The following PHACTR3 variants were observed in gnomAD, a reference collection of about 807,000 sequenced individuals.
PHACTR3 encodes protein phosphatase 1, regulatory subunit 123.
A neutral mutation model predicts 66.8 loss-of-function variants in PHACTR3; 16 were observed. That is an observed-to-expected ratio of 0.24 (90% CI 0.16 to 0.36). The LOEUF (loss-of-function observed/expected upper bound fraction) is 0.36. Ranked by LOEUF, PHACTR3 falls within the 10% of genes least tolerant of loss-of-function variation. PHACTR3 has a pLI of 1.00. For synonymous variants in PHACTR3, 323 were observed against 292.1 expected (o/e 1.11, Z -1.08); for missense variants, 647 against 719.9 (o/e 0.90, Z 1.16).
Position 59,836,446 on chromosome 20 carries a change from A to G in PHACTR3, c.1329-59A>G, listed in dbSNP as rs576293768. ...GCCACCTCTCATCCTTGCAGACCCC[A>G]GGTGGAATTTGCAGGCAGCCACTAT... On this transcript the variant is annotated intron_variant, in intron 8 of 12. Transcript: ENST00000371015. 4.5e-6 allele frequency: 7 copies of G among 1,548,300 alleles called. No individual in the cohort carries two copies. In the Admixed American group the frequency reaches 5.6e-5, roughly 12 times the overall value.
intron 1 of PHACTR3, among the ~76,000 whole-genome samples, chr20:59,722,054 C>G (rs1340798811): frequency 6.6e-6 from 1 of 152,028 alleles, no homozygotes; most frequent in Non-Finnish European, 1.5e-5. Context: ...CACAGTGAAA[C>G]CCCATATCTA....
At chr20:59,586,612 C>G (rs922530420) in intron 1 of PHACTR3, among the ~76,000 whole-genome samples, 3 of 152,014 alleles carry the variant, frequency 2.0e-5, no homozygotes, top group Non-Finnish European at 1.5e-5. Flanking sequence ...TGATTTCTGA[C>G]CTAGAGTATT....
Position 59,782,939 on chromosome 20 carries a change from A to G in PHACTR3, c.1174+8449A>G, listed in dbSNP as rs59181473. ...TCAGGCAGTTCCTGGTACTGTCTAA[A>G]TGTAAAGAAAGCCTTCTTTGCAGGC... On this transcript the variant is annotated intron_variant, in intron 7 of 12. Coordinates refer to ENST00000371015, the MANE Select transcript of PHACTR3 (RefSeq NM_080672.5). 2.4e-3 allele frequency among the ~76,000 whole-genome samples: 359 copies of G among 152,326 alleles called. 1 individual carries two copies. The highest frequency in any genetic ancestry group is 8.4e-3 in the African/African-American group (350 of 41,568).
intron 3 of PHACTR3, among the ~76,000 whole-genome samples, chr20:59,754,200 A>G (rs931024050): frequency 6.6e-6 from 1 of 152,152 alleles, no homozygotes; most frequent in African/African-American, 2.4e-5. Context: ...TTTGCTCTCC[A>G]AGTGCTGAGC....
In PHACTR3 at chr20:59,829,793, C is replaced by G. The variant is rs1184428415; in HGVS notation, c.1329-6712C>G. 6.6e-6 allele frequency among the ~76,000 whole-genome samples: 1 copy of G among 152,240 alleles called. No homozygotes were observed. Among genetic ancestry groups the G allele is most frequent in the African/African-American group, 2.4e-5 (1 of 41,462 alleles). Reference sequence around the variant, plus strand: ...GCCTTGTATGGAAGGAATTGCTTCTCAATTTCTGCTCCACACTGAGGTGAC... The same window carrying G: ...GCCTTGTATGGAAGGAATTGCTTCTGAATTTCTGCTCCACACTGAGGTGAC... On this transcript the variant is annotated intron_variant, in intron 8 of 12. Coordinates refer to ENST00000371015, the MANE Select transcript of PHACTR3 (RefSeq NM_080672.5). This position sits in a 1 kb window ranked among gnomAD's most constrained non-coding sequence, Gnocchi z 4.2.
chr20:59,745,484 C>T (rs2039333217), intron 2 of PHACTR3, among the ~76,000 whole-genome samples: 2 of 152,232 alleles, frequency 1.3e-5, no homozygotes, highest in South Asian at 4.1e-4. Context: ...TCAGGACCGC[C>T]ATTCGGGCAT....
chr20:59,709,680 G>T (rs900207633), intron 1 of PHACTR3, among the ~76,000 whole-genome samples: 4 of 152,182 alleles, frequency 2.6e-5, no homozygotes, highest in African/African-American at 9.7e-5. Context: ...AGTAGGAATT[G>T]TCCTTAGTAT....
intron 1 of PHACTR3, among the ~76,000 whole-genome samples, chr20:59,690,163 A>G (rs752490270): frequency 3.9e-5 from 6 of 152,134 alleles, no homozygotes; most frequent in Non-Finnish European, 8.8e-5. Flanking sequence ...TGGCCTCATG[A>G]TGGCATGATT....
intron 4 of PHACTR3, among the ~76,000 whole-genome samples, chr20:59,765,933 A>G (rs575809069): frequency 2.0e-5 from 3 of 152,208 alleles, no homozygotes; most frequent in Non-Finnish European, 4.4e-5. Context: ...ACTGAATAAG[A>G]TGATGTATGC....
At chr20:59,747,018 T>C (rs1050358587) in intron 2 of PHACTR3, among the ~76,000 whole-genome samples, 2 of 152,322 alleles carry the variant, frequency 1.3e-5, no homozygotes, top group Non-Finnish European at 2.9e-5. Context: ...GGCAAACAGT[T>C]TTCCTGACGG....
At chr20:59,586,364 T>C (rs1038288269) in intron 1 of PHACTR3, among the ~76,000 whole-genome samples, 1 of 152,244 alleles carries the variant, frequency 6.6e-6, no homozygotes, top group Non-Finnish European at 1.5e-5. Context: ...CCGTCTTCCA[T>C]GACTAAATCC....
At chr20:59,706,544 C>G (rs1427533900) in intron 1 of PHACTR3, among the ~76,000 whole-genome samples, 1 of 152,230 alleles carries the variant, frequency 6.6e-6, no homozygotes, top group South Asian at 2.1e-4. Context: ...GCATTCCCAG[C>G]TCCCAGGAGC....
chr20:59,815,652 T>A (rs1330242025), intron 8 of PHACTR3, among the ~76,000 whole-genome samples: 1 of 152,150 alleles, frequency 6.6e-6, no homozygotes, highest in African/African-American at 2.4e-5. Context: ...CTTGATCTCT[T>A]GACCTCATGA....
intron 2 of PHACTR3, among the ~76,000 whole-genome samples, chr20:59,746,387 G>T (rs1399055146): frequency 4.6e-5 from 7 of 152,232 alleles, no homozygotes; most frequent in Non-Finnish European, 2.9e-5. Flanking sequence ...GGCTGTGCCT[G>T]TCTTGCTCAT....
At chr20:59,680,002 T>A (rs997631335) in intron 1 of PHACTR3, among the ~76,000 whole-genome samples, 4 of 152,072 alleles carry the variant, frequency 2.6e-5, no homozygotes, top group Non-Finnish European at 5.9e-5. Context: ...AACCTGATCC[T>A]TTATCTGCTT....
At chr20:59,697,690 G>C (rs1027126053) in intron 1 of PHACTR3, among the ~76,000 whole-genome samples, 6 of 151,930 alleles carry the variant, frequency 3.9e-5, no homozygotes, top group Non-Finnish European at 7.4e-5. Flanking sequence ...GGAGAAAAGA[G>C]GAAAAAAGAA....
intron 3 of PHACTR3, among the ~76,000 whole-genome samples, chr20:59,748,245 A>G (rs2039445041): frequency 6.6e-6 from 1 of 151,880 alleles, no homozygotes; most frequent in African/African-American, 2.4e-5. Context: ...TACTCCCCCT[A>G]CCACCATGTA....
chr20:59,755,485 G>A, intron 4 of PHACTR3, 121 bp downstream of exon 4: 1 of 1,179,036 alleles, frequency 8.5e-7, no homozygotes, highest in Non-Finnish European at 1.2e-6. Flanking sequence ...AGAGAGCTGG[G>A]CCCGTGCTCT....
chr20:59,744,106 G>A (rs926686498), intron 2 of PHACTR3, among the ~76,000 whole-genome samples: 6 of 152,204 alleles, frequency 3.9e-5, no homozygotes, highest in Non-Finnish European at 7.3e-5. Context: ...GGCAGAACAC[G>A]GCCCCCCAGC....
Sources: gnomAD v4.1 joint callset for allele counts (sites outside exome capture counted in the v4.1 genomes callset) on GRCh38, gnomAD v4.1.1 for gene constraint, Gnocchi (gnomAD v3.1) non-coding constraint, MANE v1.5 for transcripts, NCBI Gene and HGNC (gene_info 2026-07-23, HGNC 2026-07-21) for gene names.